Variants in LRRC8A observed in about 807,000 individuals in gnomAD.
The protein encoded by LRRC8A is volume-regulated anion channel subunit LRRC8A.
Under a neutral mutation model 52.5 loss-of-function variants are expected in LRRC8A, and 24 were observed. The observed-to-expected ratio is 0.46, with a 90% CI of 0.33 to 0.64. The LOEUF (loss-of-function observed/expected upper bound fraction) is 0.64. Ranked by LOEUF, LRRC8A falls within the 30% of genes least tolerant of loss-of-function variation. LRRC8A has a pLI of 0.02. For synonymous variants in LRRC8A, 492 were observed against 494.2 expected (o/e 1.00, Z 0.06); for missense variants, 677 against 1,094.7 (o/e 0.62, Z 5.38).
chr9:128,889,849 CTGGAG>C (rs1839536421), intron 2 of LRRC8A, among the ~76,000 whole-genome samples: 1 of 151,922 alleles, frequency 6.6e-6, no homozygotes, highest in African/African-American at 2.4e-5. Flanking sequence ...GTTGCCCAGA[CTGGAG>C]TGCAATGGTG....
At chr9:128,914,439 G>A (rs1397549153) in intron 3 of LRRC8A, among the ~76,000 whole-genome samples, 3 of 152,142 alleles carry the variant, frequency 2.0e-5, no homozygotes, top group Non-Finnish European at 4.4e-5. Flanking sequence ...GGGAAACTGA[G>A]GCCCAGAGAG....
chr9:128,886,468 T>G (rs1319522134), intron 2 of LRRC8A, among the ~76,000 whole-genome samples: 1 of 152,232 alleles, frequency 6.6e-6, no homozygotes, highest in Admixed American at 6.5e-5. Flanking sequence ...AGACACCAGT[T>G]TCTTCGGTCA....
At chr9:128,914,706 G>T (rs1840729160) in intron 3 of LRRC8A, among the ~76,000 whole-genome samples, 1 of 152,232 alleles carries the variant, frequency 6.6e-6, no homozygotes, top group Admixed American at 6.5e-5. Flanking sequence ...CAAGGCCCAG[G>T]GCTCCTGGCT....
In LRRC8A at chr9:128,913,552, T is replaced by A. The variant is rs375364135; in HGVS notation, c.2158-2544T>A. ...CCGAGCAACTGAGAGTACCTCCCCT[T>A]TTCTCTCTGGGGCCTGGAGAGGGCT... On this transcript the variant is annotated intron_variant, in intron 3 of 3. Coordinates refer to ENST00000372600, the MANE Select transcript of LRRC8A (RefSeq NM_019594.4). Among the ~76,000 whole-genome samples, 10 of 152,106 alleles carry A rather than the reference T, an allele frequency of 6.6e-5. No individual in the cohort carries two copies. In the East Asian group the frequency reaches 1.9e-3, roughly 30 times the overall value.
chr9:128,916,425 C>A lies in LRRC8A; in HGVS notation c.*54C>A. ...AGGACCGCTGCCCAGTCCTCAGGCC[C>A]GGAGGGGCAGGCCTAGCTTCTCCCA... On this transcript the variant is annotated 3_prime_UTR_variant, in exon 4 of 4. Transcript: ENST00000372600. This position sits in a 1 kb window ranked among gnomAD's most constrained non-coding sequence, Gnocchi z 6.1. 6.4e-7 allele frequency: 1 copy of A among 1,552,906 alleles called. No individual in the cohort carries two copies. The highest frequency in any genetic ancestry group is 8.7e-7 in the Non-Finnish European group (1 of 1,148,376).
At chr9:128,910,773 A>G (rs1840483335) in intron 3 of LRRC8A, among the ~76,000 whole-genome samples, 1 of 152,202 alleles carries the variant, frequency 6.6e-6, no homozygotes, top group Admixed American at 6.5e-5. Context: ...GTCCAGCAGC[A>G]GTGAGCCAAA....
intron 3 of LRRC8A, among the ~76,000 whole-genome samples, chr9:128,912,274 G>A (rs1475769768): frequency 6.6e-6 from 1 of 152,168 alleles, no homozygotes; most frequent in African/African-American, 2.4e-5. Context: ...GGAGCAAGGC[G>A]CCGGGGACAT....
Position 128,916,943 on chromosome 9 carries a change from G to T in LRRC8A, c.*572G>T, listed in dbSNP as rs1840847385. On this transcript the variant is annotated 3_prime_UTR_variant, in exon 4 of 4. Transcript: ENST00000372600. The surrounding 1 kb of genome is among the most constrained non-coding windows in gnomAD (Gnocchi z 6.1). ...CAGCAGTGCCGGGCTGGGCTCTGCG[G>T]TGCGGTCCACGGGAGAGCAGGCCTC... 1 of 153,668 alleles carries T rather than the reference G, an allele frequency of 6.5e-6. No homozygotes were observed. The highest frequency in any genetic ancestry group is 2.4e-5 in the African/African-American group (1 of 41,408). 9.5% of individuals were successfully genotyped at this position (153,668 alleles called of 1,614,324 possible).
At chr9:128,904,005 G>C (rs1840136551) in intron 2 of LRRC8A, among the ~76,000 whole-genome samples, 1 of 151,968 alleles carries the variant, frequency 6.6e-6, no homozygotes, top group Non-Finnish European at 1.5e-5. Flanking sequence ...CCCAGCCTGG[G>C]TGACAGAGTG....
rs12683091 is a variant in LRRC8A at position 128,884,023 on chromosome 9, C to T, written c.-116+1773C>T. Among the ~76,000 whole-genome samples the T allele has an allele frequency of 1.2e-3, 175 of 152,110 alleles. No homozygotes were observed. The East Asian group carries it at 0.025, about 22-fold the overall frequency. ...GCGGGGGCACAGGAAATGTTCATGA[C>T]TTCCCCCCAGAACTTGACTAGATGT... On this transcript the variant is annotated intron_variant, in intron 1 of 3. Coordinates refer to ENST00000372600, the MANE Select transcript of LRRC8A (RefSeq NM_019594.4).
rs1839942940 is a variant in LRRC8A, at chr9:128,899,388, C to T, written c.-8-7769C>T. ...ACCCAGGTGCACCCCAAGAAGGGCT[C>T]TCGGTGGGGTCTGCTCCATCTGAAT... On this transcript the variant is annotated intron_variant, in intron 2 of 3. Transcript: ENST00000372600. This position sits in a 1 kb window ranked among gnomAD's most constrained non-coding sequence, Gnocchi z 4.0. Among the ~76,000 whole-genome samples the T allele has an allele frequency of 6.6e-6, 1 of 152,088 alleles. No individual in the cohort carries two copies. Among genetic ancestry groups the T allele is most frequent in the Non-Finnish European group, 1.5e-5 (1 of 68,010 alleles).
Position 128,907,381 on chromosome 9 carries a change from G to T in LRRC8A, c.217G>T (p.Ala73Ser). The change falls in exon 3 of 4, where the codon GCA becomes TCA. Residue 73 changes from alanine (A) to serine (S), a missense_variant. Transcript: ENST00000372600. This position sits in a 1 kb window ranked among gnomAD's most constrained non-coding sequence, Gnocchi z 9.3. ...CTGCAATGATTCGTTCCGGGGCTGG[G>T]CAGCCCCTGGCCCGGAGCCCACCTA... ...DSCNDSFRGW[A>S]APGPEPTYPN... The T allele has an allele frequency of 2.5e-6, 4 of 1,613,386 alleles. No homozygotes were observed. The highest frequency in any genetic ancestry group is 3.4e-6 in the Non-Finnish European group (4 of 1,179,988).
At position 128,907,145 on chromosome 9, in the gene LRRC8A, G is replaced by A; in HGVS notation, c.-8-12G>A. 1 of 1,590,466 alleles carries A rather than the reference G, an allele frequency of 6.3e-7. No individual in the cohort carries two copies. The highest frequency in any genetic ancestry group is 1.1e-5 in the South Asian group (1 of 89,482). On this transcript the variant is annotated splice_polypyrimidine_tract_variant and intron_variant, in intron 2 of 3. Transcript: ENST00000372600. The surrounding 1 kb of genome is among the most constrained non-coding windows in gnomAD (Gnocchi z 9.3). ...ACCCTGTGCTAACCCCCCTCCTATG[G>A]CTCCCTTTTAGGTTGAACCATGATT...
rs1840823541 is a variant in LRRC8A at position 128,916,413 on chromosome 9, A to G, written c.*42A>G. ...ACAGCAAGCAGCAGGACCGCTGCCCAGTCCTCAGGCCCGGAGGGGCAGGCC... is the reference window on the plus strand; with the variant it reads ...ACAGCAAGCAGCAGGACCGCTGCCCGGTCCTCAGGCCCGGAGGGGCAGGCC... On this transcript the variant is annotated 3_prime_UTR_variant, in exon 4 of 4. Coordinates refer to ENST00000372600, the MANE Select transcript of LRRC8A (RefSeq NM_019594.4). This position sits in a 1 kb window ranked among gnomAD's most constrained non-coding sequence, Gnocchi z 6.1. The G allele has an allele frequency of 4.4e-6, 7 of 1,577,526 alleles. No individual in the cohort carries two copies. The highest frequency in any genetic ancestry group is 6.0e-6 in the Non-Finnish European group (7 of 1,159,840).
At chr9:128,912,025 A>C (rs1483425954) in intron 3 of LRRC8A, among the ~76,000 whole-genome samples, 1 of 152,210 alleles carries the variant, frequency 6.6e-6, no homozygotes, top group Non-Finnish European at 1.5e-5. Context: ...TGCTAATGAA[A>C]GCCTTGACAA....
rs1222100298 is a variant in LRRC8A at position 128,899,928 on chromosome 9, G to A, written c.-8-7229G>A. 1.3e-5 allele frequency among the ~76,000 whole-genome samples: 2 copies of A among 152,108 alleles called. No individual in the cohort carries two copies. Among genetic ancestry groups the A allele is most frequent in the Non-Finnish European group, 2.9e-5 (2 of 68,024 alleles). Reference sequence around the variant, plus strand: ...TTTTATGACAGTCTAAAAAAATTGAGGGGAAAAAATGGACCTGGAAACAAT... The same window carrying A: ...TTTTATGACAGTCTAAAAAAATTGAAGGGAAAAAATGGACCTGGAAACAAT... On this transcript the variant is annotated intron_variant, in intron 2 of 3. Coordinates refer to ENST00000372600, the MANE Select transcript of LRRC8A (RefSeq NM_019594.4). This position sits in a 1 kb window ranked among gnomAD's most constrained non-coding sequence, Gnocchi z 4.0.
At position 128,907,163 on chromosome 9, in the gene LRRC8A, C is replaced by T. The variant is rs55689326; in HGVS notation, c.-2C>T. 1.5e-3 allele frequency: 2,347 copies of T among 1,604,536 alleles called. 33 individuals carry two copies. The African/African-American group carries it at 0.028, about 19-fold the overall frequency. ...TCCTATGGCTCCCTTTTAGGTTGAA[C>T]CATGATTCCGGTGACAGAGCTCCGC... is the stretch of plus-strand genomic sequence containing the variant. On this transcript the variant is annotated 5_prime_UTR_variant, in exon 3 of 4. Coordinates refer to ENST00000372600, the MANE Select transcript of LRRC8A (RefSeq NM_019594.4). This position sits in a 1 kb window ranked among gnomAD's most constrained non-coding sequence, Gnocchi z 9.3.
chr9:128,907,403 C>T lies in LRRC8A; in HGVS notation c.239C>T (p.Thr80Ile), dbSNP rs367907856. 1.2e-5 allele frequency: 20 copies of T among 1,613,446 alleles called. No homozygotes were observed. In the East Asian group the frequency reaches 3.1e-4, roughly 25 times the overall value. The change falls in exon 3 of 4, where the codon ACC (threonine) becomes ATC (isoleucine). Residue 80 changes from threonine (T) to isoleucine (I), a missense_variant. Thr to Ile is a moderately conservative substitution (Grantham distance 89, BLOSUM62 -1). This residue lies in a region of LRRC8A where 54 missense variants were observed against 49.7 expected (regional missense o/e 1.09). Transcript: ENST00000372600. This position sits in a 1 kb window ranked among gnomAD's most constrained non-coding sequence, Gnocchi z 9.3. Reference protein sequence around the residue: ...RGWAAPGPEPTYPNSTILPTP... With the variant: ...RGWAAPGPEPIYPNSTILPTP... Reference sequence around the variant, plus strand: ...TGGGCAGCCCCTGGCCCGGAGCCCACCTACCCCAACTCCACCATTCTGCCG... The same window carrying T: ...TGGGCAGCCCCTGGCCCGGAGCCCATCTACCCCAACTCCACCATTCTGCCG...
At chr9:128,888,002 C>A (rs187312530) in intron 2 of LRRC8A, among the ~76,000 whole-genome samples, 237 of 152,266 alleles carry the variant, frequency 1.6e-3, no homozygotes, top group African/African-American at 5.3e-3. Flanking sequence ...TGGCAGAATG[C>A]ACACCCTTGA....
Sources: allele counts gnomAD v4.1 joint callset (sites outside exome capture counted in the v4.1 genomes callset), GRCh38; gene constraint gnomAD v4.1.1; regional missense constraint gnomAD v4.1.1; non-coding constraint Gnocchi (gnomAD v3.1); transcripts MANE v1.5; gene names NCBI Gene and HGNC (gene_info 2026-07-23, HGNC 2026-07-21).